Variants in RNF150 observed in about 807,000 individuals in gnomAD.
The protein encoded by RNF150 is ring finger protein 150.
Under a neutral mutation model 39.3 loss-of-function variants are expected in RNF150, and 24 were observed. The observed-to-expected ratio is 0.61, with a 90% confidence interval of 0.44 to 0.86. The LOEUF is 0.86. RNF150 is among the 40% of genes least tolerant of loss of function. RNF150 has a pLI of 0.00. For missense variants in RNF150, 502 were observed against 587.8 expected (o/e 0.85, Z 1.51); for synonymous variants, 255 against 227.3 (o/e 1.12, Z -1.10).
At chr4:141,036,164 T>C (rs1330725256) in intron 1 of RNF150, among the ~76,000 whole-genome samples, 2 of 152,146 alleles carry the variant, frequency 1.3e-5, no homozygotes, top group Non-Finnish European at 1.5e-5. Context: ...ACAACAAATA[T>C]AGTTTCCCTT....
intron 1 of RNF150, among the ~76,000 whole-genome samples, chr4:141,117,773 G>A (rs930058155): frequency 6.6e-6 from 1 of 152,168 alleles, no homozygotes; most frequent in African/African-American, 2.4e-5. Flanking sequence ...CTAATGCAGT[G>A]CCTAGAGTCT....
intron 1 of RNF150, among the ~76,000 whole-genome samples, chr4:141,034,730 G>C (rs1316153795): frequency 6.6e-6 from 1 of 152,112 alleles, no homozygotes; most frequent in African/African-American, 2.4e-5. Flanking sequence ...GAGAGGGAGA[G>C]AGAGATAGGG....
chr4:141,128,337 C>G (rs1726804979), intron 1 of RNF150, among the ~76,000 whole-genome samples: 1 of 152,146 alleles, frequency 6.6e-6, no homozygotes, highest in Non-Finnish European at 1.5e-5. Context: ...GGAGGAAACC[C>G]AAGACCTGGG....
chr4:140,995,153 G>A (rs954316497), intron 1 of RNF150, among the ~76,000 whole-genome samples: 6 of 152,090 alleles, frequency 3.9e-5, no homozygotes, highest in African/African-American at 1.4e-4. Context: ...TCCAGCCTCT[G>A]GTAACCATCA....
chr4:140,875,145 G>A (rs72722307), intron 6 of RNF150, among the ~76,000 whole-genome samples: 4,005 of 150,010 alleles, frequency 0.027, 61 homozygotes, highest in South Asian at 0.05. Flanking sequence ...CAGAGTCCAT[G>A]AACTTGACAA....
chr4:141,110,256 C>G (rs1739343607), intron 1 of RNF150, among the ~76,000 whole-genome samples: 1 of 152,162 alleles, frequency 6.6e-6, no homozygotes, highest in African/African-American at 2.4e-5. Flanking sequence ...GAGAAGGCAC[C>G]AGCAGACCCG....
At chr4:140,993,165 GA>G (rs1474181236) in intron 1 of RNF150, among the ~76,000 whole-genome samples, 1 of 152,162 alleles carries the variant, frequency 6.6e-6, no homozygotes, top group East Asian at 1.9e-4. Flanking sequence ...ACATGAAATA[GA>G]TTTGCTGGGC....
chr4:140,988,319 T>C (rs1345410232), intron 1 of RNF150, among the ~76,000 whole-genome samples: 1 of 152,142 alleles, frequency 6.6e-6, no homozygotes, highest in Non-Finnish European at 1.5e-5. Context: ...ATCTCAGTAC[T>C]GTTTACAACA....
At chr4:141,109,818 G>A (rs1475714957) in intron 1 of RNF150, among the ~76,000 whole-genome samples, 1 of 152,146 alleles carries the variant, frequency 6.6e-6, no homozygotes, top group Non-Finnish European at 1.5e-5. Flanking sequence ...ACAAGGACAT[G>A]AGGGGCCAAG....
intron 1 of RNF150, among the ~76,000 whole-genome samples, chr4:141,039,687 C>T (rs9993321): frequency 0.58 from 87,826 of 151,814 alleles, 26,333 homozygotes; most frequent in Non-Finnish European, 0.67. Context: ...CTCACTCAAG[C>T]TCTAGCTTAG....
intron 1 of RNF150, among the ~76,000 whole-genome samples, chr4:140,987,034 A>C (rs1367553227): frequency 6.6e-6 from 1 of 152,086 alleles, no homozygotes; most frequent in East Asian, 1.9e-4. Flanking sequence ...AGCCACATAG[A>C]CAAAAATATC....
intron 6 of RNF150, 28 bp downstream of exon 6, chr4:140,911,116 A>G (rs367647368): frequency 5.4e-5 from 85 of 1,573,824 alleles, no homozygotes; most frequent in Non-Finnish European, 7.2e-5. Flanking sequence ...CCTTCTGGCT[A>G]TGTCACTTTA....
At chr4:141,036,109 A>G (rs1736132691) in intron 1 of RNF150, among the ~76,000 whole-genome samples, 1 of 152,236 alleles carries the variant, frequency 6.6e-6, no homozygotes, top group Admixed American at 6.5e-5. Context: ...TGTGACAGAC[A>G]TGTGGAGACT....
At chr4:141,052,555 T>C (rs1212988794) in intron 1 of RNF150, among the ~76,000 whole-genome samples, 2 of 152,222 alleles carry the variant, frequency 1.3e-5, no homozygotes, top group East Asian at 3.9e-4. Flanking sequence ...TTTGTATTTT[T>C]AGTAGAGATG....
intron 1 of RNF150, among the ~76,000 whole-genome samples, chr4:141,173,668 A>C (rs1727765126): frequency 6.6e-6 from 1 of 152,200 alleles, no homozygotes; most frequent in Non-Finnish European, 1.5e-5. Flanking sequence ...GACTGAGTAC[A>C]TTGAGCAGAG....
chr4:141,176,216 G>A (rs1578781513), intron 1 of RNF150, among the ~76,000 whole-genome samples: 2 of 151,892 alleles, frequency 1.3e-5, no homozygotes, highest in Non-Finnish European at 2.9e-5. Flanking sequence ...TTCTTAAAAC[G>A]GCACTAATCC....
At chr4:141,209,847 C>CA (rs1303378392) in intron 1 of RNF150, among the ~76,000 whole-genome samples, 1 of 151,714 alleles carries the variant, frequency 6.6e-6, no homozygotes, top group Non-Finnish European at 1.5e-5. Flanking sequence ...CCCTAAAAGA[C>CA]AAAAAAGAAC....
intron 1 of RNF150, among the ~76,000 whole-genome samples, chr4:141,101,905 C>T (rs1739025689): frequency 6.6e-6 from 1 of 152,158 alleles, no homozygotes; most frequent in Non-Finnish European, 1.5e-5. Context: ...CCTCAGCCTC[C>T]CTAGTAGCTG....
rs565438197 is a variant in RNF150, at chr4:140,864,746, C to T, written c.*3515G>A. The T allele has an allele frequency of 9.2e-5, 14 of 152,158 alleles. No homozygotes were observed. The highest frequency in any genetic ancestry group is 3.3e-4 in the Admixed American group (5 of 15,270). The allele number at this position is 152,158 out of a possible 1,614,324, so 9.4% of individuals were successfully genotyped here. On this transcript the variant is annotated 3_prime_UTR_variant, in exon 7 of 7. Transcript: ENST00000515673. ...GGCTCCTAAGTGCCACATATCAGTCCGAGGGTTTGCCATAGAAGTGAGGGG... is the reference window on the plus strand; with the variant it reads ...GGCTCCTAAGTGCCACATATCAGTCTGAGGGTTTGCCATAGAAGTGAGGGG...
Sources: gnomAD v4.1 joint callset for allele counts (sites outside exome capture counted in the v4.1 genomes callset) on GRCh38, gnomAD v4.1.1 for gene constraint, MANE v1.5 for transcripts, NCBI Gene and HGNC (gene_info 2026-07-23, HGNC 2026-07-21) for gene names.